Variants in INSYN2B observed in about 807,000 individuals in gnomAD.
INSYN2B encodes inhibitory synaptic factor family member 2B.
INSYN2B carries 16 observed loss-of-function variants against 41.2 expected under a neutral mutation model. The ratio of observed to expected loss-of-function variants is 0.39; its 90% CI spans 0.26 to 0.59. INSYN2B has a LOEUF of 0.59. INSYN2B is among the 20% of genes least tolerant of loss of function. The probability of loss-of-function intolerance (pLI) is 0.57; values close to 1 mark genes in which losing one functional copy is unlikely to be tolerated. For synonymous variants in INSYN2B, 245 were observed against 244.4 expected (o/e 1.00, Z -0.02); for missense variants, 608 against 646.4 (o/e 0.94, Z 0.64).
At chr5:169,978,393 G>T (rs1183059098) in intron 1 of INSYN2B, among the ~76,000 whole-genome samples, 16 of 43,902 alleles carry the variant, frequency 3.6e-4, no homozygotes, top group African/African-American at 1.3e-3. Flanking sequence ...GTGTGTGTGT[G>T]GGGGGGGGGG....
At position 169,884,693 on chromosome 5, in the gene INSYN2B, A is replaced by C. The variant is rs1772867709; in HGVS notation, c.-795T>G. The stretch of plus-strand genomic sequence containing the variant: ...AGTCCCTGTTGTGGTGTGTTGGCCG[A>C]AGTTCACATGTGGGCACGGTGAGCT... On this transcript the variant is annotated 5_prime_UTR_variant, in exon 2 of 4. Coordinates refer to ENST00000377365, the MANE Select transcript of INSYN2B (RefSeq NM_001129891.3). 1 of 152,374 alleles carries C rather than the reference A, an allele frequency of 6.6e-6. No homozygotes were observed. The highest frequency in any genetic ancestry group is 2.4e-5 in the African/African-American group (1 of 41,408). 9.4% of individuals were successfully genotyped at this position (152,374 alleles called of 1,614,324 possible).
intron 1 of INSYN2B, among the ~76,000 whole-genome samples, chr5:169,889,388 A>G (rs1461030557): frequency 6.6e-6 from 1 of 152,210 alleles, no homozygotes; most frequent in African/African-American, 2.4e-5. Context: ...TGTAATAAAT[A>G]CTGTGGAGAT....
intron 1 of INSYN2B, among the ~76,000 whole-genome samples, chr5:169,919,973 C>A (rs1414182446): frequency 2.6e-5 from 4 of 152,198 alleles, no homozygotes; most frequent in Admixed American, 6.5e-5. Flanking sequence ...TTAATGAACA[C>A]ATACTTTAGT....
At chr5:169,907,484 GAAAGTC>G (rs948234969) in intron 1 of INSYN2B, among the ~76,000 whole-genome samples, 7 of 152,326 alleles carry the variant, frequency 4.6e-5, no homozygotes, top group African/African-American at 7.2e-5. Flanking sequence ...GAACATTTTA[GAAAGTC>G]AAAGTAGTTA....
chr5:169,949,532 G>C (rs992243114), intron 1 of INSYN2B, among the ~76,000 whole-genome samples: 1 of 151,802 alleles, frequency 6.6e-6, no homozygotes, highest in African/African-American at 2.4e-5. Context: ...CATACTGAAT[G>C]GAGACTGAAT....
intron 1 of INSYN2B, among the ~76,000 whole-genome samples, chr5:169,925,341 A>G (rs1192355261): frequency 2.6e-5 from 4 of 152,098 alleles, no homozygotes; most frequent in African/African-American, 7.2e-5. Context: ...CGTCTTGTTG[A>G]GAGGCTGAGG....
intron 1 of INSYN2B, among the ~76,000 whole-genome samples, chr5:169,892,568 G>C (rs558791362): frequency 6.6e-6 from 1 of 152,142 alleles, no homozygotes; most frequent in African/African-American, 2.4e-5. Context: ...GATCCCAGAG[G>C]CCTCTCCGAT....
At chr5:169,974,606 G>C (rs1268872266) in intron 1 of INSYN2B, among the ~76,000 whole-genome samples, 1 of 152,178 alleles carries the variant, frequency 6.6e-6, no homozygotes, top group Non-Finnish European at 1.5e-5. Flanking sequence ...TTGCAGGAAA[G>C]AGTGGGAGCG....
At chr5:169,887,936 A>G (rs1773065581) in intron 1 of INSYN2B, among the ~76,000 whole-genome samples, 1 of 152,236 alleles carries the variant, frequency 6.6e-6, no homozygotes, top group Non-Finnish European at 1.5e-5. Context: ...TTGCCAATAA[A>G]GTAGAAAAGA....
chr5:169,915,742 C>T (rs1036784472), intron 1 of INSYN2B, among the ~76,000 whole-genome samples: 4 of 152,138 alleles, frequency 2.6e-5, no homozygotes, highest in Middle Eastern at 3.2e-3. Context: ...TTTAAACCAT[C>T]AAGGGCCAAT....
chr5:169,947,992 G>A (rs748798459), intron 1 of INSYN2B, among the ~76,000 whole-genome samples: 143 of 152,274 alleles, frequency 9.4e-4, no homozygotes, highest in Non-Finnish European at 9.6e-4. Context: ...GTCAGGATTT[G>A]TCATTCTTAT....
intron 1 of INSYN2B, among the ~76,000 whole-genome samples, chr5:169,945,279 G>A (rs1776400907): frequency 2.0e-5 from 3 of 152,208 alleles, no homozygotes; most frequent in South Asian, 4.1e-4. Flanking sequence ...CCATACTAAC[G>A]CCTTAGCAGG....
In INSYN2B at chr5:169,864,214, G is replaced by A. The variant is rs1771389484; in HGVS notation, c.*59C>T. ...AGCAGGGCAGGCCTTAAGTGCAGTG[G>A]ATTTCCCATCTCAGGGAAGTGCGTG... is the stretch of plus-strand genomic sequence containing the variant. On this transcript the variant is annotated 3_prime_UTR_variant, in exon 4 of 4. Transcript: ENST00000377365. 7.0e-7 allele frequency: 1 copy of A among 1,424,856 alleles called. No individual in the cohort carries two copies. Among genetic ancestry groups the A allele is most frequent in the Non-Finnish European group, 9.7e-7 (1 of 1,032,398 alleles). The allele number at this position is 1,424,856 out of a possible 1,614,324, so 88.3% of individuals were successfully genotyped here. A position where few individuals can be genotyped will look rare whatever the true frequency, so the allele number is the denominator to read the frequency against.
intron 1 of INSYN2B, among the ~76,000 whole-genome samples, chr5:169,887,950 T>G (rs1439759490): frequency 3.3e-5 from 5 of 152,238 alleles, no homozygotes; most frequent in Non-Finnish European, 7.3e-5. Flanking sequence ...GAAAAGAAAT[T>G]GTATCTCATT....
chr5:169,942,076 C>G (rs1449794445), intron 1 of INSYN2B, among the ~76,000 whole-genome samples: 1 of 152,144 alleles, frequency 6.6e-6, no homozygotes, highest in African/African-American at 2.4e-5. Flanking sequence ...AGGATGTGGG[C>G]CTGTCTCTAA....
At position 169,883,403 on chromosome 5, in the gene INSYN2B, C is replaced by G. The variant is rs149156890; in HGVS notation, c.496G>C (p.Val166Leu). The change falls in exon 2 of 4, where the codon GTG (valine) becomes CTG (leucine). Residue 166 changes from valine (V) to leucine (L), a missense_variant. Val to Leu is a conservative substitution (Grantham distance 32). Coordinates refer to ENST00000377365, the MANE Select transcript of INSYN2B (RefSeq NM_001129891.3). The stretch of plus-strand genomic sequence containing the variant: ...ACCCTTGGGAGGAATGCATGGGACA[C>G]CTTGACCCTTCGAGGCCCATCCTCA... ...HLEDGPRRVK[V>L]SHAFLPRVPK... 5,960 of 1,551,674 alleles carry G rather than the reference C, an allele frequency of 3.8e-3. 22 individuals are homozygous for G. The highest frequency in any genetic ancestry group is 0.013 in the Middle Eastern group (77 of 5,994).
chr5:169,937,662 A>AT (rs1173856729), intron 1 of INSYN2B, among the ~76,000 whole-genome samples: 2 of 152,226 alleles, frequency 1.3e-5, no homozygotes, highest in Admixed American at 6.5e-5. Context: ...TTACAAATGG[A>AT]TAAAGAGTAT....
intron 1 of INSYN2B, among the ~76,000 whole-genome samples, chr5:169,942,867 G>A (rs1346153297): frequency 2.6e-5 from 4 of 152,178 alleles, no homozygotes; most frequent in Admixed American, 6.5e-5. Context: ...GTGTGTGCTC[G>A]CCTCTGAACT....
chr5:169,880,228 A>G (rs1294232628), intron 3 of INSYN2B, among the ~76,000 whole-genome samples: 1 of 152,242 alleles, frequency 6.6e-6, no homozygotes, highest in Non-Finnish European at 1.5e-5. Flanking sequence ...CTGTTATTTG[A>G]TTAAAAACAG....
Sources: allele counts gnomAD v4.1 joint callset (sites outside exome capture counted in the v4.1 genomes callset), GRCh38; gene constraint gnomAD v4.1.1; transcripts MANE v1.5; gene names NCBI Gene and HGNC (gene_info 2026-07-23, HGNC 2026-07-21).